NCEH1: variants seen among roughly 807,000 people sequenced by gnomAD.
NCEH1 encodes the protein 2-acetyl MAGE hydrolase.
Under a neutral mutation model 25.4 loss-of-function variants are expected in NCEH1, and 9 were observed. The ratio of observed to expected loss-of-function variants is 0.35; its 90% CI spans 0.21 to 0.62. The LOEUF is 0.62. Among genes scored for constraint, NCEH1 ranks in the 20% least tolerant of loss-of-function variants. The probability of loss-of-function intolerance (pLI) is 0.72; values close to 1 mark genes in which losing one functional copy is unlikely to be tolerated. For missense variants in NCEH1, 412 were observed against 501.1 expected, an observed-to-expected ratio of 0.82 and a Z score of 1.70; for synonymous variants, 200 against 199.8, an observed-to-expected ratio of 1.00 and a Z score of -0.01.
At chr3:172,693,883 T>G (rs190120798) in intron 1 of NCEH1, among the ~76,000 whole-genome samples, 1 of 152,240 alleles carries the variant, frequency 6.6e-6, no homozygotes, top group African/African-American at 2.4e-5. Flanking sequence ...AAGTATAGTA[T>G]GTGTATTTAA....
At chr3:172,706,878 G>A (rs1434338531) in intron 1 of NCEH1, among the ~76,000 whole-genome samples, 1 of 152,176 alleles carries the variant, frequency 6.6e-6, no homozygotes, top group Non-Finnish European at 1.5e-5. Flanking sequence ...ATAAGTGGCA[G>A]TGCTTTTAGA....
At chr3:172,634,670 A>C (rs1303407627) in intron 4 of NCEH1, among the ~76,000 whole-genome samples, 1 of 152,164 alleles carries the variant, frequency 6.6e-6, no homozygotes, top group African/African-American at 2.4e-5. Flanking sequence ...TGTCATGGGA[A>C]TGTGAATGAA....
intron 1 of NCEH1, among the ~76,000 whole-genome samples, chr3:172,705,785 T>C (rs1196619582): frequency 2.0e-5 from 3 of 152,102 alleles, no homozygotes; most frequent in African/African-American, 7.2e-5. Context: ...TCACCTGAGG[T>C]CAGGAGTTCA....
rs1717530640 is a variant in NCEH1 at position 172,653,739 on chromosome 3, TTTTTGTTTTTTTGTTTTTTTG to T, written c.139-5646_139-5626del. 2.9e-5 allele frequency among the ~76,000 whole-genome samples: 2 copies of T among 69,708 alleles called. 1 individual carries two copies. The highest frequency in any genetic ancestry group is 1.4e-4 in the African/African-American group (2 of 14,416). The allele number at this position is 69,708 out of a possible 152,430, so 45.7% of individuals were successfully genotyped here. A position where few individuals can be genotyped will look rare whatever the true frequency, so the allele number is the denominator to read the frequency against. On this transcript the variant is annotated intron_variant, in intron 1 of 4. Transcript: ENST00000475381. ...TTTTGTTGTTGTTGTTGTTCTGTTT[TTTTTGTTTTTTTGTTTTTTTG>T]TTTTTTTTTTTTTTTGAGACAGAGT...
intron 1 of NCEH1, among the ~76,000 whole-genome samples, chr3:172,667,053 G>A (rs766409344): frequency 1.1e-4 from 17 of 152,142 alleles, no homozygotes; most frequent in Non-Finnish European, 2.1e-4. Flanking sequence ...CATATTGCTG[G>A]TCCTTTGCTG....
chr3:172,639,878 T>A (rs1035014932), intron 3 of NCEH1, among the ~76,000 whole-genome samples: 12 of 152,194 alleles, frequency 7.9e-5, no homozygotes, highest in Non-Finnish European at 1.6e-4. Context: ...CGTATGTCAC[T>A]CAAATCTCAA....
At chr3:172,653,744 G>GTTGTTGCTTTTTTTTTTTT (rs1717534237) in intron 1 of NCEH1, among the ~76,000 whole-genome samples, 3 of 95,676 alleles carry the variant, frequency 3.1e-5, no homozygotes, top group African/African-American at 1.3e-4. Flanking sequence ...TGTTTTTTTT[G>GTTGTTGCTTTTTTTTTTTT]TTTTTTTGTT....
At chr3:172,634,659 T>C (rs1716524834) in intron 4 of NCEH1, among the ~76,000 whole-genome samples, 1 of 152,108 alleles carries the variant, frequency 6.6e-6, no homozygotes, top group Admixed American at 6.6e-5. Context: ...CAGAGTGAAG[T>C]TGTCATGGGA....
chr3:172,670,788 T>C (rs901505884), intron 1 of NCEH1, among the ~76,000 whole-genome samples: 4 of 152,218 alleles, frequency 2.6e-5, no homozygotes, highest in African/African-American at 9.6e-5. Flanking sequence ...AATAAGTTTC[T>C]AATATTTCAT....
At chr3:172,641,679 CACTT>C (rs1216501764) in intron 3 of NCEH1, among the ~76,000 whole-genome samples, 2 of 152,204 alleles carry the variant, frequency 1.3e-5, no homozygotes. Flanking sequence ...GAATCATCCA[CACTT>C]ACTTCTGTTT....
intron 1 of NCEH1, among the ~76,000 whole-genome samples, chr3:172,697,024 C>T (rs1040803875): frequency 1.3e-5 from 2 of 152,006 alleles, no homozygotes; most frequent in Non-Finnish European, 1.5e-5. Context: ...CTCCTGGGTT[C>T]AAGCGATTCT....
chr3:172,689,121 T>C (rs1712874412), intron 1 of NCEH1, among the ~76,000 whole-genome samples: 1 of 152,204 alleles, frequency 6.6e-6, no homozygotes, highest in South Asian at 2.1e-4. Context: ...ATTTGATTTC[T>C]GGAAAAGCCA....
intron 1 of NCEH1, among the ~76,000 whole-genome samples, chr3:172,680,354 ACTC>A (rs1188774411): frequency 4.0e-5 from 6 of 151,654 alleles, no homozygotes; most frequent in Non-Finnish European, 8.8e-5. Flanking sequence ...CCTCCCCTGA[ACTC>A]CTCCTCAAAC....
intron 1 of NCEH1, among the ~76,000 whole-genome samples, chr3:172,708,093 G>A (rs1274909083): frequency 1.3e-5 from 2 of 152,026 alleles, no homozygotes; most frequent in African/African-American, 2.4e-5. Context: ...GGAACCCCAA[G>A]GAAAAAAAGC....
At chr3:172,706,827 TAAAAG>T (rs1218142312) in intron 1 of NCEH1, among the ~76,000 whole-genome samples, 1 of 151,938 alleles carries the variant, frequency 6.6e-6, no homozygotes, top group Non-Finnish European at 1.5e-5. Context: ...GTGCTGCAAA[TAAAAG>T]AAAAAAAGAT....
At position 172,633,634 on chromosome 3, in the gene NCEH1, C is replaced by T; in HGVS notation, c.1068G>A (p.Met356Ile). The T allele has an allele frequency of 6.2e-7, 1 of 1,614,096 alleles. No individual in the cohort carries two copies. Among genetic ancestry groups the T allele is most frequent in the Middle Eastern group, 1.6e-4 (1 of 6,062 alleles). The change falls in exon 5 of 5, where the codon ATG becomes ATA. Residue 356 changes from methionine (M) to isoleucine (I), a missense_variant. Met to Ile is a conservative substitution (Grantham distance 10, BLOSUM62 1). Around this residue, in one of 3 missense-constraint regions of NCEH1, gnomAD observed 210 missense variants for 258.2 expected, o/e 0.81. Transcript: ENST00000475381. ...EHDVLRDDGI[M>I]YAKRLESAGV... The stretch of plus-strand genomic sequence containing the variant: ...CGGCACTCTCCAAACGCTTGGCATA[C>T]ATGATGCCATCGTCTCTGAGGACAT...
At chr3:172,641,132 G>C (rs1334120579) in intron 3 of NCEH1, among the ~76,000 whole-genome samples, 1 of 151,510 alleles carries the variant, frequency 6.6e-6, no homozygotes, top group Non-Finnish European at 1.5e-5. Context: ...ATAAACTAGA[G>C]GTAAAAAAAT....
chr3:172,699,190 A>G (rs79958473), intron 1 of NCEH1, among the ~76,000 whole-genome samples: 3,506 of 152,298 alleles, frequency 0.023, 120 homozygotes, highest in East Asian at 0.16. Context: ...GTTGGTATTG[A>G]ACGATGCGTG....
At chr3:172,707,776 C>T (rs911717234) in intron 1 of NCEH1, among the ~76,000 whole-genome samples, 3 of 152,064 alleles carry the variant, frequency 2.0e-5, no homozygotes, top group African/African-American at 7.2e-5. Flanking sequence ...TTAGTAGAGA[C>T]GAGGTTTCAC....
Sources: allele counts gnomAD v4.1 joint callset (sites outside exome capture counted in the v4.1 genomes callset), GRCh38; gene constraint gnomAD v4.1.1; regional missense constraint gnomAD v4.1.1; transcripts MANE v1.5; gene names NCBI Gene and HGNC (gene_info 2026-07-23, HGNC 2026-07-21).